Variants in ASTN2 observed in about 807,000 individuals in gnomAD.
ASTN2 encodes the protein astrotactin 2, also known as astrotactin-2.
A neutral mutation model predicts 139.8 loss-of-function variants in ASTN2; 54 were observed. The observed-to-expected ratio is 0.39, with a 90% CI of 0.31 to 0.48. The LOEUF is 0.48. Among genes scored for constraint, ASTN2 ranks in the 20% least tolerant of loss-of-function variants. The pLI, the probability that ASTN2 is intolerant of heterozygous loss-of-function variation, is 0.95. For synonymous variants in ASTN2, 756 were observed against 719.5 expected, an observed-to-expected ratio of 1.05 and a Z score of -0.81; for missense variants, 1,565 against 1,725.1, an observed-to-expected ratio of 0.91 and a Z score of 1.64.
At chr9:116,667,991 T>C (rs1344823572) in intron 16 of ASTN2, among the ~76,000 whole-genome samples, 1 of 152,180 alleles carries the variant, frequency 6.6e-6, no homozygotes, top group Non-Finnish European at 1.5e-5. Context: ...TGTACAAATG[T>C]ATAATGACAT....
chr9:116,630,873 T>C (rs1250446644), intron 17 of ASTN2, among the ~76,000 whole-genome samples: 2 of 151,680 alleles, frequency 1.3e-5, no homozygotes, highest in Admixed American at 1.3e-4. Context: ...AGAAAACATA[T>C]AATCCAATTT....
At chr9:116,490,873 A>G (rs1390971931) in intron 19 of ASTN2, among the ~76,000 whole-genome samples, 1 of 152,214 alleles carries the variant, frequency 6.6e-6, no homozygotes, top group African/African-American at 2.4e-5. Context: ...CATATCAATG[A>G]AGGAACTCAG....
intron 11 of ASTN2, among the ~76,000 whole-genome samples, chr9:116,850,824 G>C (rs555625737): frequency 1.3e-5 from 2 of 151,530 alleles, no homozygotes; most frequent in East Asian, 3.9e-4. Context: ...TCAAAAGAGA[G>C]AAGCAGCAGC....
chr9:117,271,308 T>C (rs1285968259), intron 2 of ASTN2, among the ~76,000 whole-genome samples: 3 of 152,182 alleles, frequency 2.0e-5, no homozygotes, highest in African/African-American at 7.2e-5. Context: ...TTCACTGTCA[T>C]GAGAATACCA....
Position 117,295,833 on chromosome 9 carries a change from C to G in ASTN2, c.443-4320G>C, listed in dbSNP as rs117190911. On this transcript the variant is annotated intron_variant, in intron 1 of 22. Coordinates refer to ENST00000313400, the MANE Select transcript of ASTN2 (RefSeq NM_001365068.1). ...GACTCTCCCAGCTTGCAACCAAGAA[C>G]TACTTCCAGAAGGTGGTGGTAGGAG... Among the ~76,000 whole-genome samples, 25 of 151,834 alleles carry G rather than the reference C, an allele frequency of 1.6e-4. No individual in the cohort carries two copies. In the East Asian group the frequency reaches 4.5e-3, roughly 27 times the overall value.
At chr9:116,975,117 A>T in intron 10 of ASTN2, 91 bp downstream of exon 10, 1 of 1,321,556 alleles carries the variant, frequency 7.6e-7, no homozygotes, top group Non-Finnish European at 1.0e-6. Flanking sequence ...AACAGCAAGA[A>T]CACTCCTTAG....
rs533904160 is a variant in ASTN2 at position 116,742,314 on chromosome 9, G to T, written c.2397-8791C>A. ...TTATTTTAATATACAGATTGGGCAG[G>T]TGATGGCCTCACAGTTGTACCCACC... is the stretch of plus-strand genomic sequence containing the variant. On this transcript the variant is annotated intron_variant, in intron 13 of 22. Coordinates refer to ENST00000313400, the MANE Select transcript of ASTN2 (RefSeq NM_001365068.1). Among the ~76,000 whole-genome samples, 4 of 152,284 alleles carry T rather than the reference G, an allele frequency of 2.6e-5. No homozygotes were observed. In the East Asian group the frequency reaches 7.7e-4, roughly 29 times the overall value.
At chr9:116,445,415 A>C (rs1847957993) in intron 20 of ASTN2, among the ~76,000 whole-genome samples, 1 of 152,236 alleles carries the variant, frequency 6.6e-6, no homozygotes, top group Non-Finnish European at 1.5e-5. Context: ...GAAGGCTTGT[A>C]GTGAATAGAA....
At chr9:117,407,275 C>T (rs1831023049) in intron 1 of ASTN2, among the ~76,000 whole-genome samples, 1 of 152,138 alleles carries the variant, frequency 6.6e-6, no homozygotes, top group Non-Finnish European at 1.5e-5. Flanking sequence ...AATTCAACAC[C>T]TTCAGAACAA....
chr9:116,509,850 G>A (rs1850289409), intron 19 of ASTN2, among the ~76,000 whole-genome samples: 3 of 152,044 alleles, frequency 2.0e-5, no homozygotes, highest in Admixed American at 2.0e-4. Context: ...ACTTGATGGG[G>A]TTGTTTCTTT....
At chr9:116,781,534 C>T (rs1830218292) in intron 13 of ASTN2, among the ~76,000 whole-genome samples, 1 of 152,030 alleles carries the variant, frequency 6.6e-6, no homozygotes, top group Non-Finnish European at 1.5e-5. Context: ...GGTCCACAAG[C>T]CCAGCAGAGA....
intron 11 of ASTN2, among the ~76,000 whole-genome samples, chr9:116,831,459 T>C (rs1038806141): frequency 6.6e-6 from 1 of 152,216 alleles, no homozygotes; most frequent in Non-Finnish European, 1.5e-5. Flanking sequence ...ACCAAACACC[T>C]ACCTACTCAG....
intron 3 of ASTN2, among the ~76,000 whole-genome samples, chr9:117,159,535 TA>T (rs1365431320): frequency 2.6e-5 from 4 of 152,152 alleles, no homozygotes; most frequent in Non-Finnish European, 5.9e-5. Context: ...GGAAGTGTGC[TA>T]AAGATTTTTG....
intron 13 of ASTN2, among the ~76,000 whole-genome samples, chr9:116,784,789 C>T (rs559210005): frequency 2.6e-5 from 4 of 152,064 alleles, no homozygotes; most frequent in Non-Finnish European, 2.9e-5. Context: ...AGTAGACAGG[C>T]GTGGTGCCGC....
At chr9:116,690,236 G>T (rs1395455568) in intron 16 of ASTN2, among the ~76,000 whole-genome samples, 4 of 152,176 alleles carry the variant, frequency 2.6e-5, no homozygotes, top group Non-Finnish European at 2.9e-5. Context: ...AATTTGTTGA[G>T]TGCTTATTAT....
intron 1 of ASTN2, among the ~76,000 whole-genome samples, chr9:117,375,109 C>T (rs1030792259): frequency 8.5e-5 from 13 of 152,190 alleles, no homozygotes; most frequent in Non-Finnish European, 4.4e-5. Flanking sequence ...AAGAAACATC[C>T]TCCTGTACAT....
chr9:116,489,388 G>A (rs1490752648), intron 19 of ASTN2, among the ~76,000 whole-genome samples: 1 of 151,788 alleles, frequency 6.6e-6, no homozygotes, highest in Non-Finnish European at 1.5e-5. Context: ...CAAGTCTGGA[G>A]TGCAGTGGTG....
At chr9:116,918,570 A>G (rs569400417) in intron 10 of ASTN2, among the ~76,000 whole-genome samples, 12 of 151,862 alleles carry the variant, frequency 7.9e-5, no homozygotes, top group African/African-American at 2.9e-4. Flanking sequence ...TTTTTTTCAT[A>G]TTTTTTCATT....
In ASTN2 at chr9:116,815,662, G is replaced by A. The variant is rs113141155; in HGVS notation, c.2207+4955C>T. Among the ~76,000 whole-genome samples, 482 of 151,500 alleles carry A rather than the reference G, an allele frequency of 3.2e-3. 1 individual carries two copies. Among genetic ancestry groups the A allele is most frequent in the African/African-American group, 0.01 (423 of 41,306 alleles). ...CTACTAAAAATATAAAAAATTAGTC[G>A]GGCGCGGTGGTGGGCACCTGTAGTC... On this transcript the variant is annotated intron_variant, in intron 12 of 22. Transcript: ENST00000313400.
Sources: gnomAD v4.1 joint callset for allele counts (sites outside exome capture counted in the v4.1 genomes callset) on GRCh38, gnomAD v4.1.1 for gene constraint, MANE v1.5 for transcripts, NCBI Gene and HGNC (gene_info 2026-07-23, HGNC 2026-07-21) for gene names.